Variants in CREB5 observed in about 807,000 individuals in gnomAD.
CREB5 encodes cAMP responsive element binding protein 5.
Under a neutral mutation model 57.1 loss-of-function variants are expected in CREB5, and 19 were observed. The ratio of observed to expected loss-of-function variants is 0.33; its 90% CI spans 0.23 to 0.49. The LOEUF is 0.49. Ranked by LOEUF, CREB5 falls within the 20% of genes least tolerant of loss-of-function variation. The probability of loss-of-function intolerance (pLI) is 0.99; values close to 1 mark genes in which losing one functional copy is unlikely to be tolerated. For synonymous variants in CREB5, 238 were observed against 238.3 expected, an observed-to-expected ratio of 1.00 and a Z score of 0.01; for missense variants, 579 against 671.6, an observed-to-expected ratio of 0.86 and a Z score of 1.52.
chr7:28,595,560 C>T (rs1374101810), intron 5 of CREB5, among the ~76,000 whole-genome samples: 3 of 152,156 alleles, frequency 2.0e-5, no homozygotes, highest in African/African-American at 7.2e-5. Context: ...GTTGATATAG[C>T]AAGTACCCCA....
At chr7:28,352,454 G>A (rs1786215466) in intron 1 of CREB5, among the ~76,000 whole-genome samples, 1 of 152,190 alleles carries the variant, frequency 6.6e-6, no homozygotes, top group Non-Finnish European at 1.5e-5. Flanking sequence ...TTACGTAAGT[G>A]ATAAAGAAAC....
chr7:28,776,349 AAAG>A lies in CREB5; in HGVS notation c.703-27838_703-27836del, dbSNP rs1240530267. 8.2e-4 allele frequency among the ~76,000 whole-genome samples: 119 copies of A among 145,832 alleles called. 4 individuals carry two copies. The highest frequency in any genetic ancestry group is 9.9e-4 in the Non-Finnish European group (65 of 65,612). ...CGAGACTCTGTCTCAAAAAAAAAAA[AAAG>A]AAGAAGAAGAAAGTTAAGCGTGCTA... On this transcript the variant is annotated intron_variant, in intron 7 of 10. Coordinates refer to ENST00000357727, the MANE Select transcript of CREB5 (RefSeq NM_182898.4).
chr7:28,652,217 A>G (rs752809386), intron 5 of CREB5, among the ~76,000 whole-genome samples: 8 of 152,100 alleles, frequency 5.3e-5, no homozygotes, highest in Non-Finnish European at 1.2e-4. Context: ...GACTTTTTCT[A>G]CTCTCAATAT....
intron 9 of CREB5, among the ~76,000 whole-genome samples, chr7:28,813,601 G>C (rs899361319): frequency 6.6e-6 from 1 of 152,140 alleles, no homozygotes; most frequent in African/African-American, 2.4e-5. Context: ...AGCCCATTTT[G>C]ATAATTATTT....
At chr7:28,498,770 C>T (rs1462163585) in intron 3 of CREB5, among the ~76,000 whole-genome samples, 3 of 152,162 alleles carry the variant, frequency 2.0e-5, no homozygotes, top group Admixed American at 6.5e-5. Context: ...AAGACTTGCA[C>T]AACCCTTCGC....
intron 1 of CREB5, among the ~76,000 whole-genome samples, chr7:28,443,304 G>A (rs1178303833): frequency 6.6e-6 from 1 of 152,172 alleles, no homozygotes; most frequent in Non-Finnish European, 1.5e-5. Context: ...AGAACTCTGG[G>A]CTTAGAAATC....
At chr7:28,504,689 T>C (rs1792407646) in intron 3 of CREB5, among the ~76,000 whole-genome samples, 1 of 152,190 alleles carries the variant, frequency 6.6e-6, no homozygotes, top group African/African-American at 2.4e-5. Context: ...AACACCCGTG[T>C]GTTACCCTCT....
upstream of CREB5, chr7:28,410,038 G>A (rs1268016719): frequency 2.2e-6 from 1 of 444,904 alleles, no homozygotes; most frequent in Non-Finnish European, 4.5e-6. Context: ...CAGCGGGCGC[G>A]GCGAGGACGC....
chr7:28,505,366 T>C (rs578102033), intron 3 of CREB5, among the ~76,000 whole-genome samples: 2 of 152,244 alleles, frequency 1.3e-5, no homozygotes, highest in Non-Finnish European at 2.9e-5. Context: ...CTGTTACTTA[T>C]GTTCCCATTT....
chr7:28,774,303 C>G (rs1221233064), intron 7 of CREB5, among the ~76,000 whole-genome samples: 1 of 152,192 alleles, frequency 6.6e-6, no homozygotes, highest in Non-Finnish European at 1.5e-5. Flanking sequence ...AGTCCTGTCC[C>G]ATTTTTCTGC....
chr7:28,720,294 C>G (rs747788308), intron 6 of CREB5, among the ~76,000 whole-genome samples: 7 of 152,184 alleles, frequency 4.6e-5, no homozygotes, highest in Non-Finnish European at 1.0e-4. Flanking sequence ...CTTGCAAAGC[C>G]TTTTAGCATT....
chr7:28,561,043 T>TGTGA (rs1562798731), intron 4 of CREB5, among the ~76,000 whole-genome samples: 18 of 148,492 alleles, frequency 1.2e-4, no homozygotes, highest in Admixed American at 2.0e-4. Flanking sequence ...TGTGTGTGTG[T>TGTGA]GAAGGTATTT....
intron 4 of CREB5, among the ~76,000 whole-genome samples, chr7:28,552,536 T>C (rs1333103325): frequency 6.6e-6 from 1 of 152,182 alleles, no homozygotes; most frequent in Non-Finnish European, 1.5e-5. Context: ...AAATGCCTCC[T>C]GCTCATAAAT....
intron 1 of CREB5, among the ~76,000 whole-genome samples, chr7:28,471,713 G>A (rs1790817304): frequency 6.6e-6 from 1 of 152,140 alleles, no homozygotes; most frequent in African/African-American, 2.4e-5. Flanking sequence ...AGTGAGGCAG[G>A]CCCTGCAGAC....
intron 1 of CREB5, among the ~76,000 whole-genome samples, chr7:28,365,706 C>A (rs1786572623): frequency 6.6e-6 from 1 of 151,256 alleles, no homozygotes; most frequent in Admixed American, 6.6e-5. Flanking sequence ...CTCTAGGTCG[C>A]CCATGACCTG....
chr7:28,694,553 T>C (rs1801440134), intron 5 of CREB5, among the ~76,000 whole-genome samples: 2 of 152,178 alleles, frequency 1.3e-5, no homozygotes, highest in Admixed American at 1.3e-4. Flanking sequence ...CTTATAATTC[T>C]TTTTTTAAAA....
chr7:28,812,428 C>T (rs142361235), intron 9 of CREB5, among the ~76,000 whole-genome samples: 15 of 152,194 alleles, frequency 9.9e-5, no homozygotes, highest in African/African-American at 3.4e-4. Context: ...ATTTACCCTT[C>T]GCTAGACCCT....
intron 5 of CREB5, among the ~76,000 whole-genome samples, chr7:28,571,914 G>T (rs902897214): frequency 3.3e-5 from 5 of 152,180 alleles, no homozygotes; most frequent in Admixed American, 6.5e-5. Context: ...AAATGAGAAG[G>T]GGCGCTTGCT....
At chr7:28,580,859 A>G (rs1037671098) in intron 5 of CREB5, among the ~76,000 whole-genome samples, 7 of 152,136 alleles carry the variant, frequency 4.6e-5, no homozygotes, top group African/African-American at 1.7e-4. Flanking sequence ...CTCTTGGTTC[A>G]TTTCATTGGG....
Sources: allele counts gnomAD v4.1 joint callset (sites outside exome capture counted in the v4.1 genomes callset), GRCh38; gene constraint gnomAD v4.1.1; transcripts MANE v1.5; gene names NCBI Gene and HGNC (gene_info 2026-07-23, HGNC 2026-07-21).